Variants in GLI2 observed in about 807,000 individuals in gnomAD.
GLI2 encodes transcription activator GLI2.
In GLI2, 22 loss-of-function variants were observed where a neutral mutation model predicts 78.9. The ratio of observed to expected loss-of-function variants is 0.28; its 90% CI spans 0.20 to 0.40. The LOEUF (loss-of-function observed/expected upper bound fraction) is 0.40, where lower values mean the gene tolerates loss of function less well. GLI2 is among the 10% of genes least tolerant of loss of function. GLI2 has a pLI of 1.00. For missense variants in GLI2, 2,097 were observed against 2,213.2 expected, an observed-to-expected ratio of 0.95 and a Z score of 1.05; for synonymous variants, 974 against 963.7, an observed-to-expected ratio of 1.01 and a Z score of -0.20.
rs931192232 is a variant in GLI2 at position 120,992,335 on chromosome 2, T to A, written c.*1660T>A. 14 of 152,226 alleles carry A rather than the reference T, an allele frequency of 9.2e-5. No individual in the cohort carries two copies. The highest frequency in any genetic ancestry group is 1.9e-4 in the Non-Finnish European group (13 of 68,048). The allele number at this position is 152,226 out of a possible 1,614,324, so 9.4% of individuals were successfully genotyped here. A position where few individuals can be genotyped will look rare whatever the true frequency, so the allele number is the denominator to read the frequency against. The stretch of plus-strand genomic sequence containing the variant: ...TTTCCCTTGCCAGTCCCAACCTGTA[T>A]ATATTCTGTACAGAAGACATCCCTG... On this transcript the variant is annotated 3_prime_UTR_variant, in exon 14 of 14. Transcript: ENST00000361492.
intron 2 of GLI2, among the ~76,000 whole-genome samples, chr2:120,917,701 TCTC>T (rs1679170408): frequency 6.6e-6 from 1 of 152,230 alleles, no homozygotes; most frequent in African/African-American, 2.4e-5. Context: ...GCCTTGGGCT[TCTC>T]CTGCTGCTGA....
chr2:120,926,544 C>T (rs572247784), intron 2 of GLI2, among the ~76,000 whole-genome samples: 98 of 152,326 alleles, frequency 6.4e-4, no homozygotes, highest in Non-Finnish European at 1.2e-3. Flanking sequence ...TAGCCCTTTT[C>T]CCAGTATAAC....
intron 1 of GLI2, among the ~76,000 whole-genome samples, chr2:120,759,998 A>T (rs1299645410): frequency 6.6e-6 from 1 of 152,256 alleles, no homozygotes; most frequent in Non-Finnish European, 1.5e-5. Flanking sequence ...GTGTGTCCTC[A>T]GGTGAGAGCC....
At chr2:120,977,124 T>G (rs760668000) in intron 9 of GLI2, among the ~76,000 whole-genome samples, 2 of 152,164 alleles carry the variant, frequency 1.3e-5, no homozygotes, top group African/African-American at 4.8e-5. Flanking sequence ...CCTGGCAGTT[T>G]TCTGTCTTCT....
intron 2 of GLI2, among the ~76,000 whole-genome samples, chr2:120,917,868 G>T (rs982010006): frequency 6.6e-6 from 1 of 152,196 alleles, no homozygotes; most frequent in Non-Finnish European, 1.5e-5. Flanking sequence ...TATTTTCTGC[G>T]GGCAGCATGG....
chr2:120,952,218 C>T (rs935365468), intron 4 of GLI2, among the ~76,000 whole-genome samples: 2 of 152,202 alleles, frequency 1.3e-5, no homozygotes, highest in Non-Finnish European at 2.9e-5. Context: ...CCCCTGAGAG[C>T]GCTGTTAGCC....
At chr2:120,906,566 C>A (rs1678543982) in intron 2 of GLI2, among the ~76,000 whole-genome samples, 1 of 152,120 alleles carries the variant, frequency 6.6e-6, no homozygotes. Context: ...ACAATCTCGT[C>A]CTCCTTCAAG....
intron 2 of GLI2, among the ~76,000 whole-genome samples, chr2:120,894,369 G>T (rs955528140): frequency 1.3e-5 from 2 of 152,226 alleles, no homozygotes; most frequent in Non-Finnish European, 2.9e-5. Flanking sequence ...TGGGACCGGC[G>T]TGGCTCCGCT....
rs540046896 is a variant in GLI2 at position 120,805,309 on chromosome 2, C to T, written c.148+7841C>T. On this transcript the variant is annotated intron_variant, in intron 2 of 13. Coordinates refer to ENST00000361492, the MANE Select transcript of GLI2 (RefSeq NM_001374353.1). Reference sequence around the variant, plus strand: ...TGCAGAGACCGGCACACATGTTTCACGTCACCTCTGTGTCACCTTGTTTTC... The same window carrying T: ...TGCAGAGACCGGCACACATGTTTCATGTCACCTCTGTGTCACCTTGTTTTC... Among the ~76,000 whole-genome samples, 69 of 152,368 alleles carry T rather than the reference C, an allele frequency of 4.5e-4. 1 individual carries two copies. Among genetic ancestry groups the T allele is most frequent in the African/African-American group, 1.5e-3 (64 of 41,596 alleles).
chr2:120,930,772 A>G (rs1679911923), intron 3 of GLI2, among the ~76,000 whole-genome samples: 3 of 152,228 alleles, frequency 2.0e-5, no homozygotes, highest in African/African-American at 7.2e-5. Flanking sequence ...GGCTACAGGC[A>G]GAGCCCCCAC....
At chr2:120,832,534 A>T (rs1057515298) in intron 2 of GLI2, among the ~76,000 whole-genome samples, 5 of 151,994 alleles carry the variant, frequency 3.3e-5, no homozygotes, top group African/African-American at 1.2e-4. Flanking sequence ...CTCTAGGCAC[A>T]CTCGGGCCCT....
At chr2:120,740,152 A>G (rs1271178765) in intron 1 of GLI2, among the ~76,000 whole-genome samples, 1 of 152,244 alleles carries the variant, frequency 6.6e-6, no homozygotes, top group Non-Finnish European at 1.5e-5. Context: ...AGAGGATGAC[A>G]AAAGCATCCT....
At chr2:120,901,849 G>A (rs1678272414) in intron 2 of GLI2, among the ~76,000 whole-genome samples, 1 of 152,162 alleles carries the variant, frequency 6.6e-6, no homozygotes, top group Admixed American at 6.5e-5. Flanking sequence ...AAGAGTAACT[G>A]TTTCCAGCAA....
chr2:120,877,203 C>G (rs1179414765), intron 2 of GLI2, among the ~76,000 whole-genome samples: 1 of 152,200 alleles, frequency 6.6e-6, no homozygotes, highest in Non-Finnish European at 1.5e-5. Context: ...TCCCAGCTTG[C>G]CTATCACACC....
At chr2:120,927,972 G>A (rs893964796) in intron 3 of GLI2, among the ~76,000 whole-genome samples, 1 of 152,306 alleles carries the variant, frequency 6.6e-6, no homozygotes, top group Non-Finnish European at 1.5e-5. Context: ...GGTAGAAGGT[G>A]TGGGGTCACC....
At chr2:120,827,813 C>G (rs1558819683) in intron 2 of GLI2, among the ~76,000 whole-genome samples, 1 of 152,176 alleles carries the variant, frequency 6.6e-6, no homozygotes, top group Non-Finnish European at 1.5e-5. Context: ...CACTTATACG[C>G]GGTCCCTAGA....
chr2:120,829,627 T>C (rs1315222574), intron 2 of GLI2, among the ~76,000 whole-genome samples: 3 of 152,218 alleles, frequency 2.0e-5, no homozygotes, highest in African/African-American at 7.2e-5. Flanking sequence ...TTGGCTGATA[T>C]CGTCATTATT....
chr2:120,946,174 G>A (rs1328371322), intron 3 of GLI2, among the ~76,000 whole-genome samples: 1 of 152,162 alleles, frequency 6.6e-6, no homozygotes, highest in Non-Finnish European at 1.5e-5. Context: ...CATACTGCCT[G>A]GTAATTACCT....
In GLI2 at chr2:120,989,792, C is replaced by T. The variant is rs1573743244; in HGVS notation, c.3827C>T (p.Thr1276Ile). 2 of 1,610,520 alleles carry T rather than the reference C, an allele frequency of 1.2e-6. No homozygotes were observed. The highest frequency in any genetic ancestry group is 1.1e-5 in the South Asian group (1 of 90,772). ...PQQTEVAPDP[T>I]TMGNRHRELG... ...CAGACAGAAGTGGCACCTGACCCCA[C>T]CACGATGGGCAATCGCCACAGGGAA... The change falls in exon 14 of 14, where the codon ACC becomes ATC. Residue 1276 changes from threonine to isoleucine, a missense_variant. Around this residue, in one of 5 missense-constraint regions of GLI2, gnomAD observed 1,290 missense variants for 1,261.7 expected, o/e 1.02. Coordinates refer to ENST00000361492, the MANE Select transcript of GLI2 (RefSeq NM_001374353.1).
Sources: allele counts gnomAD v4.1 joint callset (sites outside exome capture counted in the v4.1 genomes callset), GRCh38; gene constraint gnomAD v4.1.1; regional missense constraint gnomAD v4.1.1; transcripts MANE v1.5; gene names NCBI Gene and HGNC (gene_info 2026-07-23, HGNC 2026-07-21).